The following UBE2W variants were observed in gnomAD, a reference collection of about 807,000 sequenced individuals.
UBE2W encodes ubiquitin-conjugating enzyme E2 W.
UBE2W carries 18 observed loss-of-function variants against 27.2 expected under a neutral mutation model. That is an observed-to-expected ratio of 0.66 (90% CI 0.46 to 0.98). The LOEUF (loss-of-function observed/expected upper bound fraction) is 0.98. UBE2W is among the 50% of genes least tolerant of loss of function. The pLI, the probability that UBE2W is intolerant of heterozygous loss-of-function variation, is 0.00. For synonymous variants in UBE2W, 53 were observed against 57.2 expected (o/e 0.93, Z 0.33); for missense variants, 90 against 180.2 (o/e 0.50, Z 2.87).
At position 73,788,742 on chromosome 8, in the gene UBE2W, T is replaced by C. The variant is rs1429845266; in HGVS notation, c.*5360A>G. The C allele has an allele frequency of 1.0e-6, 1 of 985,270 alleles. No homozygotes were observed. Among genetic ancestry groups the C allele is most frequent in the Non-Finnish European group, 1.2e-6 (1 of 829,918 alleles). The allele number at this position is 985,270 out of a possible 1,614,324, so 61.0% of individuals were successfully genotyped here. ...CAACTTAGAATTGTTGTAGGACCAA[T>C]GAGAAAACAACTTAGAATCGTTGTA... is the stretch of plus-strand genomic sequence containing the variant. On this transcript the variant is annotated 3_prime_UTR_variant, in exon 6 of 6. Coordinates refer to ENST00000602593, the MANE Select transcript of UBE2W (RefSeq NM_018299.6).
In UBE2W at chr8:73,878,862, C is replaced by G. The variant is rs1451873971; in HGVS notation, c.-40G>C. The G allele has an allele frequency of 6.5e-7, 1 of 1,545,856 alleles. No homozygotes were observed. The highest frequency in any genetic ancestry group is 8.7e-7 in the Non-Finnish European group (1 of 1,143,986). ...CCCAAGACCGGCGAGGCCAGAGACG[C>G]AGGGGGAGGAGCTGCCGTGCTCGCG... On this transcript the variant is annotated 5_prime_UTR_variant, in exon 1 of 6. Transcript: ENST00000602593.
intron 1 of UBE2W, among the ~76,000 whole-genome samples, chr8:73,847,932 T>C (rs1810886552): frequency 6.7e-6 from 1 of 149,146 alleles, no homozygotes; most frequent in Non-Finnish European, 1.5e-5. Flanking sequence ...CCGGGCACCA[T>C]GGCTCATGCC....
intron 1 of UBE2W, among the ~76,000 whole-genome samples, chr8:73,872,723 T>C (rs1169926365): frequency 6.6e-6 from 1 of 152,204 alleles, no homozygotes; most frequent in Non-Finnish European, 1.5e-5. Context: ...ATTAAGCATT[T>C]ACTAAACTAC....
chr8:73,785,705 C>T (rs1043334004), downstream of UBE2W, among the ~76,000 whole-genome samples: 30 of 152,280 alleles, frequency 2.0e-4, no homozygotes, highest in African/African-American at 7.2e-4. Flanking sequence ...TATTCTCCTG[C>T]CTCAGCCTCC....
At chr8:73,846,452 T>A (rs1020999777) in intron 1 of UBE2W, among the ~76,000 whole-genome samples, 5 of 152,096 alleles carry the variant, frequency 3.3e-5, no homozygotes, top group African/African-American at 7.2e-5. Flanking sequence ...GACTTAAAAA[T>A]TTTTTAGATT....
At chr8:73,855,265 TCATG>T (rs1389981814) in intron 1 of UBE2W, among the ~76,000 whole-genome samples, 1 of 152,150 alleles carries the variant, frequency 6.6e-6, no homozygotes, top group African/African-American at 2.4e-5. Context: ...GACAAACTGC[TCATG>T]CAGAGGGTCA....
At chr8:73,812,415 AG>A (rs1809189812) in intron 3 of UBE2W, among the ~76,000 whole-genome samples, 1 of 151,880 alleles carries the variant, frequency 6.6e-6, no homozygotes, top group South Asian at 2.1e-4. Flanking sequence ...GCTAAAAAAA[AG>A]TATTGCTCTG....
chr8:73,795,159 T>A (rs1199294866), intron 5 of UBE2W, among the ~76,000 whole-genome samples: 1 of 69,088 alleles, frequency 1.4e-5, no homozygotes, highest in Non-Finnish European at 2.7e-5. Context: ...GAAATCCTAG[T>A]CAAAATATTT....
At chr8:73,865,317 C>A (rs1811708853) in intron 1 of UBE2W, among the ~76,000 whole-genome samples, 1 of 151,262 alleles carries the variant, frequency 6.6e-6, no homozygotes, top group South Asian at 2.1e-4. Flanking sequence ...ATCAAGGTAA[C>A]CTAAACTAAT....
At position 73,845,676 on chromosome 8, in the gene UBE2W, C is replaced by T. The variant is rs544049378; in HGVS notation, c.16-15204G>A. On this transcript the variant is annotated intron_variant, in intron 1 of 5. Transcript: ENST00000602593. ...TCCTATGACCCTGCCAAATCCCCCTCTCCGAGAAACACCCAAGAATGATCA... is the reference window on the plus strand; with the variant it reads ...TCCTATGACCCTGCCAAATCCCCCTTTCCGAGAAACACCCAAGAATGATCA... 7.2e-5 allele frequency among the ~76,000 whole-genome samples: 11 copies of T among 151,884 alleles called. 1 individual carries two copies. In the South Asian group the frequency reaches 2.1e-3, roughly 29 times the overall value.
At chr8:73,867,396 A>G (rs936300479) in intron 1 of UBE2W, among the ~76,000 whole-genome samples, 3 of 151,658 alleles carry the variant, frequency 2.0e-5, no homozygotes, top group Admixed American at 6.6e-5. Flanking sequence ...TTAGCTGGGC[A>G]TGGTGGCACA....
At chr8:73,800,645 A>G (rs1338734458) in intron 5 of UBE2W, among the ~76,000 whole-genome samples, 2 of 152,170 alleles carry the variant, frequency 1.3e-5, no homozygotes, top group Non-Finnish European at 2.9e-5. Flanking sequence ...ATTTTATATT[A>G]TGTGAAAGGT....
At chr8:73,796,493 G>T in intron 5 of UBE2W, 1 of 240,482 alleles carries the variant, frequency 4.2e-6, no homozygotes, top group Non-Finnish European at 6.7e-6. Context: ...ATTGCAGAAG[G>T]TTTTTAGTAT....
Position 73,790,735 on chromosome 8 carries a change from T to A in UBE2W, c.*3367A>T, listed in dbSNP as rs1337510131. The A allele has an allele frequency of 1.0e-6, 1 of 975,638 alleles. No individual in the cohort carries two copies. Among genetic ancestry groups the A allele is most frequent in the Non-Finnish European group, 1.2e-6 (1 of 821,254 alleles). The allele number at this position is 975,638 out of a possible 1,614,324, so 60.4% of individuals were successfully genotyped here. A position where few individuals can be genotyped will look rare whatever the true frequency, so the allele number is the denominator to read the frequency against. The stretch of plus-strand genomic sequence containing the variant: ...TCTCAATTCTGAAAAACAATAGGCT[T>A]TTAAAAAATAAGACTTGATTACCAG... On this transcript the variant is annotated 3_prime_UTR_variant, in exon 6 of 6. Coordinates refer to ENST00000602593, the MANE Select transcript of UBE2W (RefSeq NM_018299.6).
chr8:73,820,310 C>CT (rs1388174528), intron 3 of UBE2W, among the ~76,000 whole-genome samples: 2 of 152,086 alleles, frequency 1.3e-5, no homozygotes, highest in East Asian at 3.8e-4. Flanking sequence ...TATGTTAAAA[C>CT]TATATAGATT....
chr8:73,828,841 G>A (rs1006438372), intron 2 of UBE2W, among the ~76,000 whole-genome samples: 1 of 151,924 alleles, frequency 6.6e-6, no homozygotes, highest in African/African-American at 2.4e-5. Context: ...ACCCTGTTGT[G>A]CTCTCAAATA....
chr8:73,810,989 A>T (rs1321093723), intron 3 of UBE2W, among the ~76,000 whole-genome samples: 1 of 152,210 alleles, frequency 6.6e-6, no homozygotes, highest in African/African-American at 2.4e-5. Context: ...AAAATCAAGT[A>T]TGATAAAATT....
chr8:73,851,388 T>C (rs906633835), intron 1 of UBE2W, among the ~76,000 whole-genome samples: 2 of 152,042 alleles, frequency 1.3e-5, no homozygotes, highest in Non-Finnish European at 2.9e-5. Flanking sequence ...AGAGATCAGC[T>C]AGATGCGGAG....
intron 1 of UBE2W, among the ~76,000 whole-genome samples, chr8:73,838,872 T>G (rs1810414584): frequency 6.6e-6 from 1 of 152,210 alleles, no homozygotes; most frequent in African/African-American, 2.4e-5. Context: ...TCTGATTGAC[T>G]GCTTTCTGCA....
Sources: allele counts gnomAD v4.1 joint callset (sites outside exome capture counted in the v4.1 genomes callset), GRCh38; gene constraint gnomAD v4.1.1; transcripts MANE v1.5; gene names NCBI Gene and HGNC (gene_info 2026-07-23, HGNC 2026-07-21).